The following GNA13 variants were observed in gnomAD, a reference collection of about 807,000 sequenced individuals.
GNA13 encodes the protein guanine nucleotide-binding protein subunit alpha-13.
GNA13 carries 4 observed loss-of-function variants against 33.5 expected under a neutral mutation model. That is an observed-to-expected ratio of 0.12 (90% CI 0.06 to 0.27). GNA13 has a LOEUF of 0.27. Among genes scored for constraint, GNA13 ranks in the 10% least tolerant of loss-of-function variants. The pLI is 1.00. For synonymous variants in GNA13, 176 were observed against 183.8 expected, an observed-to-expected ratio of 0.96 and a Z score of 0.34; for missense variants, 319 against 487.2, an observed-to-expected ratio of 0.65 and a Z score of 3.25.
In GNA13 at chr17:65,015,130, T is replaced by C. The variant is rs190746038; in HGVS notation, c.562-301A>G. Among the ~76,000 whole-genome samples, 3 of 152,156 alleles carry C rather than the reference T, an allele frequency of 2.0e-5. No homozygotes were observed. In the East Asian group the frequency reaches 5.8e-4, roughly 29 times the overall value. The stretch of plus-strand genomic sequence containing the variant: ...TCCCCACAACAAAAGCCAAGATACA[T>C]TAAAATGTTAGCAGGACGGGTTCAA... On this transcript the variant is annotated intron_variant, in intron 3 of 3. Coordinates refer to ENST00000439174, the MANE Select transcript of GNA13 (RefSeq NM_006572.6).
chr17:65,056,252 C>G, intron 1 of GNA13, 59 bp downstream of exon 1: 2 of 1,072,606 alleles, frequency 1.9e-6, no homozygotes, highest in Non-Finnish European at 2.7e-6. Context: ...CCGCCCCGCA[C>G]CCGCCGCCGC....
chr17:65,043,013 A>G (rs944821072), intron 2 of GNA13, among the ~76,000 whole-genome samples: 1 of 152,276 alleles, frequency 6.6e-6, no homozygotes, highest in African/African-American at 2.4e-5. Context: ...GGGGCTTTAC[A>G]TGGGTTATCT....
At chr17:65,041,631 G>A (rs1206211769) in intron 2 of GNA13, among the ~76,000 whole-genome samples, 1 of 152,134 alleles carries the variant, frequency 6.6e-6, no homozygotes, top group Non-Finnish European at 1.5e-5. Flanking sequence ...ATGACAGAAA[G>A]GGAAAGAGTA....
intron 2 of GNA13, among the ~76,000 whole-genome samples, chr17:65,024,864 T>A (rs181707185): frequency 6.6e-6 from 1 of 152,342 alleles, no homozygotes; most frequent in Non-Finnish European, 1.5e-5. Flanking sequence ...AGTTTAGTTT[T>A]ATCTTACTGT....
chr17:65,044,447 C>T (rs1305680249), intron 2 of GNA13, among the ~76,000 whole-genome samples: 1 of 152,090 alleles, frequency 6.6e-6, no homozygotes, highest in African/African-American at 2.4e-5. Context: ...ATAAAAATCA[C>T]TTCTCATTTC....
intron 1 of GNA13, among the ~76,000 whole-genome samples, chr17:65,054,208 T>C (rs1262776971): frequency 1.3e-5 from 2 of 152,200 alleles, no homozygotes; most frequent in Admixed American, 1.3e-4. Context: ...TAACCCAACA[T>C]TGAGTCTTCT....
chr17:65,027,591 T>A (rs1906840511), intron 2 of GNA13, among the ~76,000 whole-genome samples: 2 of 152,230 alleles, frequency 1.3e-5, no homozygotes, highest in Non-Finnish European at 2.9e-5. Flanking sequence ...CAATGTATTG[T>A]TCCTGGGGAC....
intron 2 of GNA13, among the ~76,000 whole-genome samples, chr17:65,043,255 A>G (rs1533075): frequency 0.12 from 17,684 of 151,506 alleles, 3,446 homozygotes; most frequent in African/African-American, 0.4. Flanking sequence ...AATGTTTTGC[A>G]ATATATACAA....
chr17:65,038,463 A>G (rs1156475419), intron 2 of GNA13, among the ~76,000 whole-genome samples: 1 of 151,902 alleles, frequency 6.6e-6, no homozygotes, highest in African/African-American at 2.4e-5. Flanking sequence ...CTCAGGCTTG[A>G]GTACAGTGGC....
intron 3 of GNA13, among the ~76,000 whole-genome samples, chr17:65,017,083 C>T (rs537743154): frequency 1.8e-4 from 28 of 151,810 alleles, no homozygotes; most frequent in African/African-American, 6.5e-4. Flanking sequence ...ATCAGGGGTA[C>T]GATTATGACG....
chr17:65,014,196 C>G lies in GNA13; in HGVS notation c.*61G>C. The G allele has an allele frequency of 9.8e-7, 1 of 1,015,744 alleles. No individual in the cohort carries two copies. The highest frequency in any genetic ancestry group is 1.5e-6 in the Non-Finnish European group (1 of 675,018). The allele number at this position is 1,015,744 out of a possible 1,614,324, so 62.9% of individuals were successfully genotyped here. ...GGTTGTAAACTGCTATTTTAAAAAA[C>G]AAAACAAACAGAAAACATCAAAAAC... On this transcript the variant is annotated 3_prime_UTR_variant, in exon 4 of 4. Transcript: ENST00000439174. The surrounding 1 kb of genome is among the most constrained non-coding windows in gnomAD (Gnocchi z 5.3).
At chr17:65,054,860 G>A (rs1295269674) in intron 1 of GNA13, among the ~76,000 whole-genome samples, 1 of 152,164 alleles carries the variant, frequency 6.6e-6, no homozygotes, top group East Asian at 1.9e-4. Flanking sequence ...AGAGTCTGCA[G>A]CCTTGAAAGA....
chr17:65,045,707 T>C (rs1157897491), intron 2 of GNA13, among the ~76,000 whole-genome samples: 2 of 152,102 alleles, frequency 1.3e-5, no homozygotes, highest in African/African-American at 4.8e-5. Context: ...ATCGTTACTA[T>C]AATAAAGAAA....
In GNA13 at chr17:65,014,503, A is replaced by G. The variant is rs1906295116; in HGVS notation, c.888T>C (p.Leu296=). The G allele has an allele frequency of 6.2e-7, 1 of 1,613,840 alleles. No homozygotes were observed. The highest frequency in any genetic ancestry group is 8.5e-7 in the Non-Finnish European group (1 of 1,179,730). The change falls in exon 4 of 4, where the codon CTT becomes CTC. Residue 296 remains leucine (L), a synonymous_variant. Coordinates refer to ENST00000439174, the MANE Select transcript of GNA13 (RefSeq NM_006572.6). The surrounding 1 kb of genome is among the most constrained non-coding windows in gnomAD (Gnocchi z 5.3). The stretch of plus-strand genomic sequence containing the variant: ...TGCTCACAATTTGCACCTTCTCCTC[A>G]AGCAAGTCTGTCTTGTTTAAGAACA... ...IILFLNKTDL[L]EEKVQIVSIK...
intron 2 of GNA13, among the ~76,000 whole-genome samples, chr17:65,046,086 C>T (rs1247506213): frequency 6.6e-6 from 1 of 152,068 alleles, no homozygotes; most frequent in African/African-American, 2.4e-5. Flanking sequence ...CTGTGAAATG[C>T]GGATAACAGT....
intron 2 of GNA13, among the ~76,000 whole-genome samples, chr17:65,027,841 A>G (rs998663047): frequency 1.3e-5 from 2 of 152,182 alleles, no homozygotes; most frequent in African/African-American, 4.8e-5. Flanking sequence ...GTGGTGGCTC[A>G]TGCCTGTAAT....
intron 2 of GNA13, among the ~76,000 whole-genome samples, chr17:65,030,208 T>A (rs1257350516): frequency 6.6e-6 from 1 of 152,200 alleles, no homozygotes; most frequent in East Asian, 1.9e-4. Flanking sequence ...TGATGACAAA[T>A]CTTCCTAACT....
intron 2 of GNA13, among the ~76,000 whole-genome samples, chr17:65,030,024 A>C (rs1906945344): frequency 6.6e-6 from 1 of 152,220 alleles, no homozygotes; most frequent in Admixed American, 6.5e-5. Flanking sequence ...AATGCTTTGA[A>C]GAGCACTGTA....
In GNA13 at chr17:65,046,857, T is replaced by A. The variant is rs542268594; in HGVS notation, c.510+6645A>T. Among the ~76,000 whole-genome samples the A allele has an allele frequency of 9.5e-4, 144 of 152,278 alleles. 3 individuals carry two copies. In the South Asian group the frequency reaches 0.028, roughly 30 times the overall value. On this transcript the variant is annotated intron_variant, in intron 2 of 3. Coordinates refer to ENST00000439174, the MANE Select transcript of GNA13 (RefSeq NM_006572.6). ...TTGTGCCCCTAGCTTTGTTTAGCAA[T>A]AAAAGGTAATATAGAAAGCAGCACA...
Sources: gnomAD v4.1 joint callset for allele counts (sites outside exome capture counted in the v4.1 genomes callset) on GRCh38, gnomAD v4.1.1 for gene constraint, Gnocchi (gnomAD v3.1) non-coding constraint, MANE v1.5 for transcripts, NCBI Gene and HGNC (gene_info 2026-07-23, HGNC 2026-07-21) for gene names.